The following BNC2 variants were observed in gnomAD, a reference collection of about 807,000 sequenced individuals.
The protein encoded by BNC2 is basonuclin zinc finger protein 2.
Under a neutral mutation model 76.3 loss-of-function variants are expected in BNC2, and 20 were observed. The observed-to-expected ratio is 0.26, with a 90% CI of 0.18 to 0.38. The LOEUF (loss-of-function observed/expected upper bound fraction) is 0.38. Among genes scored for constraint, BNC2 ranks in the 10% least tolerant of loss-of-function variants. The pLI is 1.00. For missense variants in BNC2, 1,382 were observed against 1,399.8 expected (o/e 0.99, Z 0.20); for synonymous variants, 582 against 514.8 (o/e 1.13, Z -1.77).
intron 5 of BNC2, among the ~76,000 whole-genome samples, chr9:16,469,137 T>G (rs1166622912): frequency 1.3e-5 from 2 of 152,230 alleles, no homozygotes; most frequent in African/African-American, 4.8e-5. Context: ...TGACTAAATT[T>G]TAGTTTATAA....
At chr9:16,699,437 A>C (rs182320503) in intron 3 of BNC2, among the ~76,000 whole-genome samples, 1 of 152,346 alleles carries the variant, frequency 6.6e-6, no homozygotes, top group South Asian at 2.1e-4. Flanking sequence ...AGTGAAGAGT[A>C]AGAAAGAAGA....
At chr9:16,641,229 TATG>T (rs1380767828) in intron 3 of BNC2, among the ~76,000 whole-genome samples, 5 of 152,308 alleles carry the variant, frequency 3.3e-5, no homozygotes, top group East Asian at 3.9e-4. Flanking sequence ...GTATGCACAG[TATG>T]ATAATTTTTC....
intron 1 of BNC2, among the ~76,000 whole-genome samples, chr9:16,810,247 T>G (rs1242187851): frequency 6.6e-6 from 1 of 152,166 alleles, no homozygotes; most frequent in South Asian, 2.1e-4. Context: ...CTTAGTGTAG[T>G]CTTCCACAAG....
chr9:16,555,197 G>T (rs529609639), intron 4 of BNC2, among the ~76,000 whole-genome samples: 22 of 149,646 alleles, frequency 1.5e-4, no homozygotes, highest in African/African-American at 4.4e-4. Flanking sequence ...TTTTTTTTTT[G>T]TATTTTTGGT....
intron 1 of BNC2, among the ~76,000 whole-genome samples, chr9:16,773,840 C>G (rs73423580): frequency 6.6e-6 from 1 of 152,140 alleles, no homozygotes; most frequent in African/African-American, 2.4e-5. Context: ...TCTAACAGTA[C>G]GTCCTTTCTA....
At chr9:16,625,833 T>G (rs557383753) in intron 3 of BNC2, 1 of 152,224 alleles carries the variant, frequency 6.6e-6, no homozygotes, top group African/African-American at 2.4e-5. Context: ...TAGGAATGCA[T>G]GTGTGGCGGT....
chr9:16,648,465 G>C (rs1425941373), intron 3 of BNC2, among the ~76,000 whole-genome samples: 1 of 152,216 alleles, frequency 6.6e-6, no homozygotes, highest in Non-Finnish European at 1.5e-5. Flanking sequence ...TGTAATGCTG[G>C]AAAGCAGCTT....
chr9:16,539,512 A>G (rs561143431), intron 5 of BNC2, among the ~76,000 whole-genome samples: 38 of 143,226 alleles, frequency 2.7e-4, no homozygotes, highest in African/African-American at 9.0e-4. Context: ...TGGGCAACAG[A>G]GGGAGAGAGG....
At chr9:16,866,892 C>T (rs138950985) in intron 1 of BNC2, among the ~76,000 whole-genome samples, 1,940 of 152,206 alleles carry the variant, frequency 0.013, 43 homozygotes, top group African/African-American at 0.044. Context: ...GAGGCTACCT[C>T]CCCTTCCACA....
chr9:16,773,580 T>C (rs1239737287), intron 1 of BNC2, among the ~76,000 whole-genome samples: 1 of 151,172 alleles, frequency 6.6e-6, no homozygotes, highest in Non-Finnish European at 1.5e-5. Flanking sequence ...AAAGACTTCC[T>C]AAAAAGATGT....
chr9:16,428,576 A>C (rs1012848122), intron 6 of BNC2, among the ~76,000 whole-genome samples: 2 of 152,260 alleles, frequency 1.3e-5, no homozygotes, highest in Non-Finnish European at 2.9e-5. Flanking sequence ...ACATTAGCAC[A>C]ATTTTTGAGT....
intron 3 of BNC2, among the ~76,000 whole-genome samples, chr9:16,617,337 T>A (rs567912194): frequency 6.6e-6 from 1 of 152,250 alleles, no homozygotes; most frequent in Admixed American, 6.5e-5. Context: ...ATTGAAAACA[T>A]CATTCTATGA....
intron 5 of BNC2, among the ~76,000 whole-genome samples, chr9:16,457,197 G>C (rs1396435803): frequency 1.3e-5 from 2 of 152,170 alleles, no homozygotes; most frequent in African/African-American, 2.4e-5. Context: ...GTAGTCCTTA[G>C]GAAGAAGATC....
chr9:16,511,173 G>A (rs1247651129), intron 5 of BNC2, among the ~76,000 whole-genome samples: 1 of 140,486 alleles, frequency 7.1e-6, no homozygotes, highest in Non-Finnish European at 1.5e-5. Flanking sequence ...GCAGTGGTGC[G>A]ATCATACCTC....
chr9:16,579,959 C>G (rs1045262062), intron 4 of BNC2: 1 of 396,476 alleles, frequency 2.5e-6, no homozygotes, highest in Admixed American at 4.4e-5. Context: ...TACCATGAAA[C>G]CATTCTGGGC....
At chr9:16,524,784 G>T (rs901832285) in intron 5 of BNC2, among the ~76,000 whole-genome samples, 1 of 152,190 alleles carries the variant, frequency 6.6e-6, no homozygotes, top group African/African-American at 2.4e-5. Context: ...CAGTAAGACT[G>T]AAATTCAGGC....
chr9:16,728,900 G>GA (rs1448633586), intron 2 of BNC2, among the ~76,000 whole-genome samples: 5 of 151,736 alleles, frequency 3.3e-5, no homozygotes, highest in East Asian at 1.9e-4. Context: ...CTCAGAAGTA[G>GA]AAAAAAATCC....
In BNC2 at chr9:16,687,842, A is replaced by C. The variant is rs567884785; in HGVS notation, c.330+39955T>G. Among the ~76,000 whole-genome samples, 13 of 152,314 alleles carry C rather than the reference A, an allele frequency of 8.5e-5. No homozygotes were observed. In the South Asian group the frequency reaches 2.7e-3, roughly 32 times the overall value. On this transcript the variant is annotated intron_variant, in intron 3 of 6. Coordinates refer to ENST00000380672, the MANE Select transcript of BNC2 (RefSeq NM_017637.6). Reference sequence around the variant, plus strand: ...GGGAAGGAGAAAGTTAAACAACTAAAATTACATGCAATTACAACTTGAGAC... The same window carrying C: ...GGGAAGGAGAAAGTTAAACAACTAACATTACATGCAATTACAACTTGAGAC...
At chr9:16,620,752 T>C (rs1293556420) in intron 3 of BNC2, among the ~76,000 whole-genome samples, 3 of 151,768 alleles carry the variant, frequency 2.0e-5, no homozygotes, top group Admixed American at 6.6e-5. Context: ...TGAACAATGC[T>C]GATCATTCTG....
Sources: gnomAD v4.1 joint callset for allele counts (sites outside exome capture counted in the v4.1 genomes callset) on GRCh38, gnomAD v4.1.1 for gene constraint, MANE v1.5 for transcripts, NCBI Gene and HGNC (gene_info 2026-07-23, HGNC 2026-07-21) for gene names.